Variants in NOS1AP observed in about 807,000 individuals in gnomAD.
NOS1AP encodes the protein nitric oxide synthase 1 adaptor protein.
NOS1AP carries 21 observed loss-of-function variants against 56.2 expected under a neutral mutation model. The ratio of observed to expected loss-of-function variants is 0.37; its 90% confidence interval spans 0.26 to 0.54. The LOEUF (loss-of-function observed/expected upper bound fraction) is 0.54, where lower values mean the gene tolerates loss of function less well. Among genes scored for constraint, NOS1AP ranks in the 20% least tolerant of loss-of-function variants. NOS1AP has a pLI of 0.84. For synonymous variants in NOS1AP, 270 were observed against 274.6 expected, an observed-to-expected ratio of 0.98 and a Z score of 0.17; for missense variants, 522 against 657.8, an observed-to-expected ratio of 0.79 and a Z score of 2.26.
chr1:162,344,496 G>C (rs1657210629), intron 6 of NOS1AP, among the ~76,000 whole-genome samples: 1 of 152,108 alleles, frequency 6.6e-6, no homozygotes, highest in South Asian at 2.1e-4. Context: ...AGGAGTTCAA[G>C]ACTAGCCTGG....
chr1:162,252,842 G>GC (rs1180731046), intron 2 of NOS1AP, among the ~76,000 whole-genome samples: 4 of 152,102 alleles, frequency 2.6e-5, no homozygotes, highest in Non-Finnish European at 4.4e-5. Flanking sequence ...GGTTGCACTT[G>GC]CCCCATTTCA....
At chr1:162,165,481 G>A (rs964481520) in intron 2 of NOS1AP, among the ~76,000 whole-genome samples, 5 of 152,216 alleles carry the variant, frequency 3.3e-5, no homozygotes, top group African/African-American at 1.2e-4. Flanking sequence ...TCTGTGTGGT[G>A]TAGGTGTAAT....
intron 2 of NOS1AP, among the ~76,000 whole-genome samples, chr1:162,161,612 A>C (rs1326457733): frequency 6.6e-6 from 1 of 151,598 alleles, no homozygotes; most frequent in Non-Finnish European, 1.5e-5. Context: ...TTTTTCCCTG[A>C]GATGGGCTCT....
At chr1:162,076,113 C>T (rs983400726) in intron 1 of NOS1AP, among the ~76,000 whole-genome samples, 1 of 152,182 alleles carries the variant, frequency 6.6e-6, no homozygotes, top group Non-Finnish European at 1.5e-5. Context: ...TCCCAAGACT[C>T]AAACTTTCAG....
chr1:162,070,262 G>T lies in NOS1AP; in HGVS notation c.85G>T (p.Gly29Cys). The change falls in exon 1 of 10, where the codon GGC becomes TGC. Residue 29 changes from glycine (G) to cysteine (C), a missense_variant. By Grantham distance (159) the Gly-to-Cys change is radical. Transcript: ENST00000361897. Reference sequence around the variant, plus strand: ...GCACAACGAGGACGCCTTCCAGCACGGCATCTGCTTTGAGGCCAAGGTGAG... The same window carrying T: ...GCACAACGAGGACGCCTTCCAGCACTGCATCTGCTTTGAGGCCAAGGTGAG... ...PLHNEDAFQH[G>C]ICFEAKYVGS... 6.2e-7 allele frequency: 1 copy of T among 1,613,638 alleles called. No individual in the cohort carries two copies. The highest frequency in any genetic ancestry group is 8.5e-7 in the Non-Finnish European group (1 of 1,179,748).
intron 2 of NOS1AP, among the ~76,000 whole-genome samples, chr1:162,286,218 A>G (rs1323683486): frequency 6.6e-6 from 1 of 152,230 alleles, no homozygotes; most frequent in Admixed American, 6.5e-5. Flanking sequence ...ATGCCTATCA[A>G]TGCTAACTGT....
chr1:162,152,467 C>T (rs530758452), intron 1 of NOS1AP, among the ~76,000 whole-genome samples: 128 of 152,350 alleles, frequency 8.4e-4, no homozygotes, highest in Non-Finnish European at 9.6e-4. Context: ...GAATCTGGGC[C>T]TTACGTCATC....
chr1:162,222,216 G>T (rs2101658930), intron 2 of NOS1AP, among the ~76,000 whole-genome samples: 1 of 152,328 alleles, frequency 6.6e-6, no homozygotes, highest in South Asian at 2.1e-4. Context: ...ATATGTGACA[G>T]CTTGAATGCA....
At chr1:162,107,389 G>A (rs1285398640) in intron 1 of NOS1AP, among the ~76,000 whole-genome samples, 2 of 152,222 alleles carry the variant, frequency 1.3e-5, no homozygotes, top group African/African-American at 2.4e-5. Flanking sequence ...AGGCTGGAAT[G>A]CTGTGGCATG....
intron 2 of NOS1AP, among the ~76,000 whole-genome samples, chr1:162,268,278 T>G (rs1475760099): frequency 4.1e-5 from 6 of 147,300 alleles, no homozygotes; most frequent in Admixed American, 2.1e-4. Context: ...AAAAAGATCT[T>G]AAGTCTTTAT....
intron 2 of NOS1AP, among the ~76,000 whole-genome samples, chr1:162,158,375 A>G (rs1650057617): frequency 6.6e-6 from 1 of 152,194 alleles, no homozygotes; most frequent in African/African-American, 2.4e-5. Context: ...TACCACATTA[A>G]AACAATCCAT....
intron 2 of NOS1AP, among the ~76,000 whole-genome samples, chr1:162,257,096 G>A (rs1051475610): frequency 2.0e-5 from 3 of 152,148 alleles, no homozygotes; most frequent in African/African-American, 7.2e-5. Context: ...AATAGAAAGG[G>A]CATATGGGTA....
chr1:162,081,395 G>A (rs952025974), intron 1 of NOS1AP, among the ~76,000 whole-genome samples: 9 of 152,196 alleles, frequency 5.9e-5, no homozygotes, highest in African/African-American at 2.2e-4. Context: ...GTGAGTAGGT[G>A]GAAATGCTGG....
At chr1:162,231,758 A>T (rs1007344846) in intron 2 of NOS1AP, among the ~76,000 whole-genome samples, 6 of 152,204 alleles carry the variant, frequency 3.9e-5, no homozygotes, top group African/African-American at 7.2e-5. Context: ...TGATAAATTG[A>T]TAACTGGCAC....
At chr1:162,197,048 G>A (rs1651832831) in intron 2 of NOS1AP, among the ~76,000 whole-genome samples, 1 of 152,214 alleles carries the variant, frequency 6.6e-6, no homozygotes, top group Admixed American at 6.5e-5. Context: ...CCATTGTGAA[G>A]ATGAGCCAGT....
chr1:162,358,001 G>A (rs1222377865), intron 8 of NOS1AP, among the ~76,000 whole-genome samples: 1 of 152,186 alleles, frequency 6.6e-6, no homozygotes, highest in Non-Finnish European at 1.5e-5. Context: ...CCTGATGAGT[G>A]CATGAAGATC....
intron 1 of NOS1AP, among the ~76,000 whole-genome samples, chr1:162,115,309 G>A (rs1277804490): frequency 6.6e-6 from 1 of 152,062 alleles, no homozygotes; most frequent in Non-Finnish European, 1.5e-5. Context: ...ACTCTAAATT[G>A]GGTGGTCATT....
At chr1:162,285,580 TC>T (rs1481299441) in intron 2 of NOS1AP, among the ~76,000 whole-genome samples, 1 of 150,142 alleles carries the variant, frequency 6.7e-6, no homozygotes, top group Non-Finnish European at 1.5e-5. Context: ...TGAGGTCCTG[TC>T]CTACCTAAGC....
At chr1:162,211,253 G>C (rs910940336) in intron 2 of NOS1AP, among the ~76,000 whole-genome samples, 1 of 152,202 alleles carries the variant, frequency 6.6e-6, no homozygotes, top group African/African-American at 2.4e-5. Context: ...CTGGAGGCTG[G>C]AAAGTCCAAG....
Sources: gnomAD v4.1 joint callset for allele counts (sites outside exome capture counted in the v4.1 genomes callset) on GRCh38, gnomAD v4.1.1 for gene constraint, MANE v1.5 for transcripts, NCBI Gene and HGNC (gene_info 2026-07-23, HGNC 2026-07-21) for gene names.